The following MIPEP variants were observed in gnomAD, a reference collection of about 807,000 sequenced individuals.
The protein encoded by MIPEP is mitochondrial intermediate peptidase.
Under a neutral mutation model 90.3 loss-of-function variants are expected in MIPEP, and 79 were observed. The ratio of observed to expected loss-of-function variants is 0.87; its 90% CI spans 0.73 to 1.05. The LOEUF (loss-of-function observed/expected upper bound fraction) is 1.05. Among genes scored for constraint, MIPEP ranks in the 50% least tolerant of loss-of-function variants. The pLI is 0.00. For synonymous variants in MIPEP, 334 were observed against 315.8 expected (o/e 1.06, Z -0.61); for missense variants, 940 against 905.6 (o/e 1.04, Z -0.49).
intron 15 of MIPEP, among the ~76,000 whole-genome samples, chr13:23,807,588 T>G (rs1339800835): frequency 1.3e-5 from 2 of 152,372 alleles, no homozygotes; most frequent in African/African-American, 4.8e-5. Flanking sequence ...TGCTTTCTTC[T>G]AACTGGTAAT....
intron 18 of MIPEP, among the ~76,000 whole-genome samples, chr13:23,737,812 C>T (rs1952281479): frequency 6.6e-6 from 1 of 152,166 alleles, no homozygotes; most frequent in Non-Finnish European, 1.5e-5. Context: ...TTTCCTAAGG[C>T]CCTAGGGTGA....
intron 7 of MIPEP, among the ~76,000 whole-genome samples, chr13:23,868,379 TAAG>T (rs1870633873): frequency 6.6e-6 from 1 of 151,536 alleles, no homozygotes; most frequent in Non-Finnish European, 1.5e-5. Flanking sequence ...TACGAAAGAG[TAAG>T]AAGTAAGATT....
At chr13:23,843,294 G>T (rs1053339353) in intron 10 of MIPEP, among the ~76,000 whole-genome samples, 1 of 152,082 alleles carries the variant, frequency 6.6e-6, no homozygotes, top group African/African-American at 2.4e-5. Context: ...GATAAATGTA[G>T]AAAGAATGGG....
At chr13:23,739,344 C>T (rs1198523672) in intron 18 of MIPEP, among the ~76,000 whole-genome samples, 4 of 152,186 alleles carry the variant, frequency 2.6e-5, no homozygotes, top group African/African-American at 9.7e-5. Flanking sequence ...GAGATGAAGG[C>T]AGTCCTTTTA....
intron 16 of MIPEP, among the ~76,000 whole-genome samples, chr13:23,781,118 T>A (rs113662135): frequency 6.6e-6 from 1 of 151,992 alleles, no homozygotes; most frequent in African/African-American, 2.4e-5. Flanking sequence ...ACAAAGATAC[T>A]CCTCGAGAAG....
Position 23,870,163 on chromosome 13 carries a change from G to T in MIPEP, c.636C>A (p.Ile212=). The change falls in exon 6 of 19, where the codon ATC becomes ATA. Residue 212 remains isoleucine, a synonymous_variant. Coordinates refer to ENST00000382172, the MANE Select transcript of MIPEP (RefSeq NM_005932.4). ...RKRAVDLNVK[I]LDLSSTFLMG... is the part of the protein sequence containing the mutation. ...TAAGAAATGTACTACTCAAATCCAA[G>T]ATTTTAACATTGAGGTCCACTGCTC... 8 of 1,607,104 alleles carry T rather than the reference G, an allele frequency of 5.0e-6. No homozygotes were observed. Among genetic ancestry groups the T allele is most frequent in the Non-Finnish European group, 5.9e-6 (7 of 1,176,596 alleles).
At chr13:23,802,961 T>C (rs9553069) in intron 16 of MIPEP, among the ~76,000 whole-genome samples, 15,065 of 152,260 alleles carry the variant, frequency 0.099, 832 homozygotes, top group East Asian at 0.2. Context: ...GTATTAAATG[T>C]ATTTTTGACT....
chr13:23,774,831 G>C (rs1261226383), intron 16 of MIPEP, among the ~76,000 whole-genome samples: 2 of 84,424 alleles, frequency 2.4e-5, no homozygotes, highest in Non-Finnish European at 4.2e-5. Context: ...TTTTGCTCTT[G>C]TTGCCCAGGC....
At chr13:23,760,074 AT>A in intron 17 of MIPEP, 21 bp downstream of exon 17, 1 of 1,614,010 alleles carries the variant, frequency 6.2e-7, no homozygotes. Flanking sequence ...AGATGGGGAC[AT>A]TTTAGAACTT....
intron 1 of MIPEP, among the ~76,000 whole-genome samples, chr13:23,887,037 G>T (rs2137545625): frequency 6.6e-6 from 1 of 152,282 alleles, no homozygotes; most frequent in Admixed American, 6.5e-5. Flanking sequence ...AACAGCAGCA[G>T]CTGACAAGGT....
At chr13:23,873,233 T>C (rs1870912095) in intron 5 of MIPEP, among the ~76,000 whole-genome samples, 1 of 152,228 alleles carries the variant, frequency 6.6e-6, no homozygotes, top group Non-Finnish European at 1.5e-5. Flanking sequence ...GAGGACACTG[T>C]GTATGAGGGG....
chr13:23,823,249 C>T (rs551128276), intron 14 of MIPEP, among the ~76,000 whole-genome samples: 1 of 152,236 alleles, frequency 6.6e-6, no homozygotes, highest in East Asian at 1.9e-4. Context: ...ACTCTTTTGC[C>T]TCTTAGCCTA....
At chr13:23,879,414 A>G in intron 3 of MIPEP, 60 bp from the exon 4 acceptor site, 3 of 908,716 alleles carry the variant, frequency 3.3e-6, no homozygotes, top group Admixed American at 1.9e-5. Flanking sequence ...TTTTAACTTT[A>G]CATGAAAAGA....
intron 16 of MIPEP, among the ~76,000 whole-genome samples, chr13:23,761,796 T>G (rs1366702834): frequency 6.6e-6 from 1 of 152,250 alleles, no homozygotes; most frequent in East Asian, 1.9e-4. Context: ...TCCACTTTCT[T>G]CTGTCTTTAT....
At chr13:23,758,207 T>C (rs1952506593) in intron 17 of MIPEP, among the ~76,000 whole-genome samples, 2 of 152,110 alleles carry the variant, frequency 1.3e-5, no homozygotes, top group Admixed American at 6.6e-5. Flanking sequence ...AGCCATGGGA[T>C]GTAGTGCCCT....
rs529724668 is a variant in MIPEP at position 23,889,306 on chromosome 13, T to G, written c.15A>C (p.Gly5=). The G allele has an allele frequency of 2.0e-4, 265 of 1,349,776 alleles. 1 individual carries two copies. The highest frequency in any genetic ancestry group is 4.3e-4 in the Middle Eastern group (2 of 4,610). 83.6% of individuals were successfully genotyped at this position (1,349,776 alleles called of 1,614,324 possible). A position where few individuals can be genotyped will look rare whatever the true frequency, so the allele number is the denominator to read the frequency against. Residue 5 remains glycine (G), a synonymous_variant, in exon 1 of 19, where the codon GGA becomes GGC. Coordinates refer to ENST00000382172, the MANE Select transcript of MIPEP (RefSeq NM_005932.4). ...CTCTGGCTCCCAAGCCGCCCAGCCTTCCGACGCACAGCATTCTAGCACCAG... is the reference window on the plus strand; with the variant it reads ...CTCTGGCTCCCAAGCCGCCCAGCCTGCCGACGCACAGCATTCTAGCACCAG... MLCV[G]RLGGLGARAA...
chr13:23,834,932 T>C (rs2137452322), intron 14 of MIPEP, among the ~76,000 whole-genome samples: 1 of 152,306 alleles, frequency 6.6e-6, no homozygotes, highest in African/African-American at 2.4e-5. Context: ...GGATGGGTAG[T>C]TAATTGGATC....
chr13:23,829,316 A>G (rs1868620776), intron 14 of MIPEP, among the ~76,000 whole-genome samples: 1 of 152,150 alleles, frequency 6.6e-6, no homozygotes, highest in Admixed American at 6.6e-5. Context: ...GGAGTTTGAG[A>G]CCAGCCTGGG....
chr13:23,742,509 T>C (rs1033354179), intron 18 of MIPEP, among the ~76,000 whole-genome samples: 1 of 152,230 alleles, frequency 6.6e-6, no homozygotes, highest in Non-Finnish European at 1.5e-5. Flanking sequence ...AGATACAGCA[T>C]TTAACACACA....
Sources: allele counts gnomAD v4.1 joint callset (sites outside exome capture counted in the v4.1 genomes callset), GRCh38; gene constraint gnomAD v4.1.1; transcripts MANE v1.5; gene names NCBI Gene and HGNC (gene_info 2026-07-23, HGNC 2026-07-21).